GPC5: variants seen among roughly 807,000 people sequenced by gnomAD.
GPC5 encodes the protein glypican 5, also known as glypican-5.
Under a neutral mutation model 53.9 loss-of-function variants are expected in GPC5, and 47 were observed. The ratio of observed to expected loss-of-function variants is 0.87; its 90% CI spans 0.69 to 1.11. The LOEUF is 1.11. Among genes scored for constraint, GPC5 ranks in the 50% most tolerant of loss-of-function variants. The probability of loss-of-function intolerance (pLI) is 0.00; values close to 1 mark genes in which losing one functional copy is unlikely to be tolerated. For synonymous variants in GPC5, 286 were observed against 263.3 expected, an observed-to-expected ratio of 1.09 and a Z score of -0.84; for missense variants, 748 against 713.1, an observed-to-expected ratio of 1.05 and a Z score of -0.56.
chr13:92,147,977 A>G (rs2041880727), intron 7 of GPC5, among the ~76,000 whole-genome samples: 1 of 152,076 alleles, frequency 6.6e-6, no homozygotes, highest in Non-Finnish European at 1.5e-5. Flanking sequence ...AATGACTTCA[A>G]AATATTGTGA....
chr13:91,800,200 AATTT>A, intron 5 of GPC5, among the ~76,000 whole-genome samples: 1 of 152,242 alleles, frequency 6.6e-6, no homozygotes, highest in South Asian at 2.1e-4. Flanking sequence ...TTCAATAAGA[AATTT>A]ATTCAGACAC....
At chr13:92,707,403 C>T (rs1887989309) in intron 7 of GPC5, among the ~76,000 whole-genome samples, 1 of 151,998 alleles carries the variant, frequency 6.6e-6, no homozygotes, top group Non-Finnish European at 1.5e-5. Context: ...CCTTTTGAGC[C>T]TATACTTATT....
At chr13:91,682,341 A>T (rs1231642439) in intron 2 of GPC5, among the ~76,000 whole-genome samples, 1 of 152,190 alleles carries the variant, frequency 6.6e-6, no homozygotes, top group Non-Finnish European at 1.5e-5. Flanking sequence ...GTTAGTGATT[A>T]TTATTATTAT....
At chr13:92,419,908 T>C (rs573104205) in intron 7 of GPC5, among the ~76,000 whole-genome samples, 1 of 152,280 alleles carries the variant, frequency 6.6e-6, no homozygotes, top group South Asian at 2.1e-4. Flanking sequence ...GAGGTCTTTG[T>C]CTGAATGGGA....
chr13:92,059,765 C>T (rs913777330), intron 6 of GPC5: 2 of 151,760 alleles, frequency 1.3e-5, no homozygotes, highest in Non-Finnish European at 2.9e-5. Context: ...ATATAAAATA[C>T]GTTTTCTTAG....
At chr13:92,775,525 A>G (rs989589470) in intron 7 of GPC5, among the ~76,000 whole-genome samples, 1 of 152,192 alleles carries the variant, frequency 6.6e-6, no homozygotes, top group Non-Finnish European at 1.5e-5. Flanking sequence ...TTTAAAGGTA[A>G]CACTAGAACT....
At chr13:92,860,837 A>G (rs961673056) in intron 7 of GPC5, among the ~76,000 whole-genome samples, 5 of 152,096 alleles carry the variant, frequency 3.3e-5, no homozygotes, top group African/African-American at 1.2e-4. Flanking sequence ...TTGCTGCAAT[A>G]TAATTTTTGT....
intron 2 of GPC5, among the ~76,000 whole-genome samples, chr13:91,547,801 G>A (rs1207334425): frequency 6.6e-6 from 1 of 152,042 alleles, no homozygotes; most frequent in African/African-American, 2.4e-5. Context: ...TTTATCTCAG[G>A]TATGCACCGT....
intron 6 of GPC5, among the ~76,000 whole-genome samples, chr13:91,955,004 T>C (rs960812409): frequency 1.3e-5 from 2 of 152,174 alleles, no homozygotes; most frequent in Admixed American, 6.5e-5. Context: ...AAATATCAGA[T>C]AATTAGGAAT....
At chr13:92,523,534 C>G (rs976008541) in intron 7 of GPC5, among the ~76,000 whole-genome samples, 1 of 152,010 alleles carries the variant, frequency 6.6e-6, no homozygotes, top group Non-Finnish European at 1.5e-5. Flanking sequence ...TGATCTCCAT[C>G]TTTCAAATAT....
At chr13:91,933,513 A>T (rs545410596) in intron 6 of GPC5, among the ~76,000 whole-genome samples, 1 of 151,956 alleles carries the variant, frequency 6.6e-6, no homozygotes, top group Admixed American at 6.6e-5. Flanking sequence ...GTATTTATAC[A>T]TACTATTTTA....
intron 6 of GPC5, among the ~76,000 whole-genome samples, chr13:92,113,523 T>G (rs920780478): frequency 1.3e-5 from 2 of 152,206 alleles, no homozygotes; most frequent in Non-Finnish European, 2.9e-5. Flanking sequence ...CTTAGACATT[T>G]GTCTTCACAC....
chr13:92,296,251 A>G (rs778260203), intron 7 of GPC5, among the ~76,000 whole-genome samples: 2 of 152,066 alleles, frequency 1.3e-5, no homozygotes, highest in African/African-American at 2.4e-5. Context: ...GCCTCCCGCC[A>G]GGAGGTGGCA....
intron 7 of GPC5, among the ~76,000 whole-genome samples, chr13:92,469,095 A>ATTC (rs1878810196): frequency 6.6e-6 from 1 of 152,170 alleles, no homozygotes; most frequent in Admixed American, 6.6e-5. Flanking sequence ...GGACAGGTCA[A>ATTC]GATACATGTA....
At chr13:91,484,365 T>TA (rs927191947) in intron 2 of GPC5, among the ~76,000 whole-genome samples, 2 of 152,180 alleles carry the variant, frequency 1.3e-5, no homozygotes, top group Admixed American at 6.5e-5. Flanking sequence ...AGGTAAATAT[T>TA]AAAAAAGCAT....
chr13:92,502,279 C>T (rs193019877), intron 7 of GPC5, among the ~76,000 whole-genome samples: 1 of 151,178 alleles, frequency 6.6e-6, no homozygotes, highest in Admixed American at 6.6e-5. Context: ...GTTGGAATAA[C>T]CCAAGGAAAA....
intron 7 of GPC5, among the ~76,000 whole-genome samples, chr13:92,847,658 A>G (rs1878657189): frequency 6.6e-6 from 1 of 151,688 alleles, no homozygotes; most frequent in Non-Finnish European, 1.5e-5. Context: ...ACCCAGTCTC[A>G]GGTAGTTCTT....
intron 6 of GPC5, among the ~76,000 whole-genome samples, chr13:92,060,139 A>C (rs1371980883): frequency 1.3e-5 from 2 of 151,830 alleles, no homozygotes; most frequent in African/African-American, 4.8e-5. Flanking sequence ...TGTATTCTTC[A>C]TTTTTGTTAT....
rs115433241 is a variant in GPC5 at position 91,708,726 on chromosome 13, A to T, written c.1020+14845A>T. On this transcript the variant is annotated intron_variant, in intron 3 of 7. Transcript: ENST00000377067. ...CTGTTATAAAAAAATTACAATGTAT[A>T]CTTTTGAAAATTGACTCATGCAAAT... is the stretch of plus-strand genomic sequence containing the variant. Among the ~76,000 whole-genome samples, 872 of 152,316 alleles carry T rather than the reference A, an allele frequency of 5.7e-3. 8 individuals carry two copies. Among genetic ancestry groups the T allele is most frequent in the African/African-American group, 0.018 (759 of 41,566 alleles).
Sources: gnomAD v4.1 joint callset for allele counts (sites outside exome capture counted in the v4.1 genomes callset) on GRCh38, gnomAD v4.1.1 for gene constraint, MANE v1.5 for transcripts, NCBI Gene and HGNC (gene_info 2026-07-23, HGNC 2026-07-21) for gene names.